GRK5: variants seen among roughly 807,000 people sequenced by gnomAD.
GRK5 encodes the protein g protein-coupled receptor kinase GRK5.
Under a neutral mutation model 78.4 loss-of-function variants are expected in GRK5, and 40 were observed. The observed-to-expected ratio is 0.51, with a 90% CI of 0.40 to 0.66. The LOEUF (loss-of-function observed/expected upper bound fraction) is 0.66, where lower values mean the gene tolerates loss of function less well. Ranked by LOEUF, GRK5 falls within the 30% of genes least tolerant of loss-of-function variation. GRK5 has a pLI of 0.00. For synonymous variants in GRK5, 289 were observed against 296.8 expected (o/e 0.97, Z 0.27); for missense variants, 598 against 759.9 (o/e 0.79, Z 2.50).
At chr10:119,315,804 C>A (rs192175780) in intron 1 of GRK5, among the ~76,000 whole-genome samples, 12 of 152,276 alleles carry the variant, frequency 7.9e-5, no homozygotes, top group Non-Finnish European at 1.3e-4. Flanking sequence ...GCAGTCACTG[C>A]GACACCTGAG....
In GRK5 at chr10:119,217,099, G is replaced by A. The variant is rs1384710626; in HGVS notation, c.52+9130G>A. 6.6e-6 allele frequency among the ~76,000 whole-genome samples: 1 copy of A among 152,092 alleles called. No homozygotes were observed. The highest frequency in any genetic ancestry group is 1.5e-5 in the Non-Finnish European group (1 of 68,030). On this transcript the variant is annotated intron_variant, in intron 1 of 15. Transcript: ENST00000392870. The surrounding 1 kb of genome is among the most constrained non-coding windows in gnomAD (Gnocchi z 4.1). The stretch of plus-strand genomic sequence containing the variant: ...TTTCTTCCTTCCTCTCATAATATAT[G>A]CCAAAACAACAAACTCTTCTCGAGA...
At chr10:119,342,234 A>G (rs1040775450) in intron 2 of GRK5, among the ~76,000 whole-genome samples, 1 of 152,230 alleles carries the variant, frequency 6.6e-6, no homozygotes. Context: ...AACAGCTGGA[A>G]CATCCTGAGG....
intron 1 of GRK5, among the ~76,000 whole-genome samples, chr10:119,261,703 C>CCCGG (rs1564868321): frequency 1.3e-5 from 2 of 152,252 alleles, no homozygotes; most frequent in Non-Finnish European, 2.9e-5. Context: ...TGGAGACCAG[C>CCCGG]CCGGCCAACA....
chr10:119,365,210 G>T (rs1851426265), intron 2 of GRK5, among the ~76,000 whole-genome samples: 1 of 152,234 alleles, frequency 6.6e-6, no homozygotes, highest in Non-Finnish European at 1.5e-5. Context: ...TTCTGTATTT[G>T]TATAGCTGAG....
chr10:119,339,918 C>A (rs1850955776), intron 2 of GRK5, among the ~76,000 whole-genome samples: 1 of 152,100 alleles, frequency 6.6e-6, no homozygotes. Context: ...ACAAAACCAA[C>A]AACCAAAGAA....
chr10:119,287,696 A>T (rs1356165839), intron 1 of GRK5, among the ~76,000 whole-genome samples: 1 of 152,084 alleles, frequency 6.6e-6, no homozygotes, highest in Admixed American at 6.5e-5. Context: ...GGCAAAGTCC[A>T]GCCCCCCACC....
chr10:119,259,022 G>A (rs1034690982), intron 1 of GRK5, among the ~76,000 whole-genome samples: 97 of 151,754 alleles, frequency 6.4e-4, no homozygotes, highest in African/African-American at 2.3e-3. Context: ...AGGTGATAGC[G>A]GTTCCTTCCA....
At chr10:119,449,776 G>C (rs760939072) in intron 13 of GRK5, among the ~76,000 whole-genome samples, 1 of 152,194 alleles carries the variant, frequency 6.6e-6, no homozygotes, top group Non-Finnish European at 1.5e-5. Context: ...GCGACGGAGC[G>C]AGACTGCATC....
At chr10:119,216,956 A>C (rs60021779) in intron 1 of GRK5, among the ~76,000 whole-genome samples, 1 of 152,098 alleles carries the variant, frequency 6.6e-6, no homozygotes, top group African/African-American at 2.4e-5. Context: ...AAAAAAAAAC[A>C]TAAAAATAAA....
chr10:119,347,028 A>C (rs1310932065), intron 2 of GRK5, among the ~76,000 whole-genome samples: 1 of 152,124 alleles, frequency 6.6e-6, no homozygotes, highest in Non-Finnish European at 1.5e-5. Flanking sequence ...GATTTCTGGG[A>C]ACCATTTCCT....
Position 119,288,970 on chromosome 10 carries a change from G to A in GRK5, c.53-37546G>A, listed in dbSNP as rs559112466. ...CATTCCCAGAGAGCCTGCACAAGAG[G>A]GCTGAGTCTGTTTATTTTTCAAGAT... On this transcript the variant is annotated intron_variant, in intron 1 of 15. Coordinates refer to ENST00000392870, the MANE Select transcript of GRK5 (RefSeq NM_005308.3). Among the ~76,000 whole-genome samples the A allele has an allele frequency of 3.3e-5, 5 of 152,232 alleles. No individual in the cohort carries two copies. In the South Asian group the frequency reaches 1.0e-3, roughly 32 times the overall value.
chr10:119,396,624 T>C (rs985588464), intron 3 of GRK5, 71 bp from the exon 4 acceptor site: 3 of 1,264,740 alleles, frequency 2.4e-6, no homozygotes, highest in Non-Finnish European at 3.5e-6. Flanking sequence ...CTCCAGGGGC[T>C]GTGAGGTTCT....
intron 4 of GRK5, among the ~76,000 whole-genome samples, chr10:119,414,141 C>T (rs1852400024): frequency 1.3e-5 from 2 of 152,222 alleles, no homozygotes; most frequent in South Asian, 4.1e-4. Context: ...GCTCAGCCTT[C>T]CTGAAAGCTG....
rs1345851560 is a variant in GRK5, at chr10:119,430,433, G to A, written c.592G>A (p.Gly198Arg). The A allele has an allele frequency of 6.2e-7, 1 of 1,611,398 alleles. No individual in the cohort carries two copies. The highest frequency in any genetic ancestry group is 8.5e-7 in the Non-Finnish European group (1 of 1,178,856). Reference sequence around the variant, plus strand: ...TCGAGTGCTAGGAAAAGGGGGCTTCGGGGAGGTGAGTGAACATTCACGTTT... The same window carrying A: ...TCGAGTGCTAGGAAAAGGGGGCTTCAGGGAGGTGAGTGAACATTCACGTTT... Reference protein sequence around the residue: ...QYRVLGKGGFGEVCACQVRAT... With the variant: ...QYRVLGKGGFREVCACQVRAT... Residue 198 changes from glycine to arginine, a missense_variant, in exon 7 of 16, where the codon GGG becomes AGG. By Grantham distance (125) the Gly-to-Arg change is moderately radical. Transcript: ENST00000392870. The surrounding 1 kb of genome is among the most constrained non-coding windows in gnomAD (Gnocchi z 4.5).
chr10:119,436,552 C>CT, intron 8 of GRK5, 99 bp from the exon 9 acceptor site: 2 of 1,215,896 alleles, frequency 1.6e-6, no homozygotes, highest in East Asian at 2.4e-5. Flanking sequence ...TGAGGCTCCT[C>CT]TGTTCCCTCA....
chr10:119,455,482 C>A lies in GRK5; in HGVS notation c.*415C>A. 1 of 353,994 alleles carries A rather than the reference C, an allele frequency of 2.8e-6. No homozygotes were observed. The highest frequency in any genetic ancestry group is 5.4e-6 in the Non-Finnish European group (1 of 185,742). The allele number at this position is 353,994 out of a possible 1,614,324, so 21.9% of individuals were successfully genotyped here. A position where few individuals can be genotyped will look rare whatever the true frequency, so the allele number is the denominator to read the frequency against. On this transcript the variant is annotated 3_prime_UTR_variant, in exon 16 of 16. Transcript: ENST00000392870. Reference sequence around the variant, plus strand: ...GTGAGACTTTGAGGGTGTATATTTTCTGTGCAGCCACTGTTAAGCCATGTG... The same window carrying A: ...GTGAGACTTTGAGGGTGTATATTTTATGTGCAGCCACTGTTAAGCCATGTG...
intron 1 of GRK5, among the ~76,000 whole-genome samples, chr10:119,305,256 T>C (rs1436979506): frequency 1.3e-5 from 2 of 152,198 alleles, no homozygotes; most frequent in Non-Finnish European, 2.9e-5. Flanking sequence ...CTCTCTTCGC[T>C]GACAGAACAA....
In GRK5 at chr10:119,445,155, G is replaced by A. The variant is rs975065233; in HGVS notation, c.1266+1403G>A. 6.6e-6 allele frequency among the ~76,000 whole-genome samples: 1 copy of A among 152,206 alleles called. No individual in the cohort carries two copies. Among genetic ancestry groups the A allele is most frequent in the Non-Finnish European group, 1.5e-5 (1 of 68,038 alleles). On this transcript the variant is annotated intron_variant, in intron 12 of 15. Transcript: ENST00000392870. This position sits in a 1 kb window ranked among gnomAD's most constrained non-coding sequence, Gnocchi z 4.1. ...GAAAGCCACATGGTCATCGCAGCCAGGGCTAGGGTGGGGGGACCGGAGGAG... is the reference window on the plus strand; with the variant it reads ...GAAAGCCACATGGTCATCGCAGCCAAGGCTAGGGTGGGGGGACCGGAGGAG...
At chr10:119,297,460 T>C (rs1423144925) in intron 1 of GRK5, among the ~76,000 whole-genome samples, 3 of 152,232 alleles carry the variant, frequency 2.0e-5, no homozygotes, top group Admixed American at 1.3e-4. Context: ...CAGGCTGCTC[T>C]GGCAAAGGAC....
Sources: gnomAD v4.1 joint callset for allele counts (sites outside exome capture counted in the v4.1 genomes callset) on GRCh38, gnomAD v4.1.1 for gene constraint, Gnocchi (gnomAD v3.1) non-coding constraint, MANE v1.5 for transcripts, NCBI Gene and HGNC (gene_info 2026-07-23, HGNC 2026-07-21) for gene names.